STOX2: variants seen among roughly 807,000 people sequenced by gnomAD.
The protein encoded by STOX2 is storkhead-box protein 2.
In STOX2, 28 loss-of-function variants were observed where a neutral mutation model predicts 60.9. The observed-to-expected ratio is 0.46, with a 90% CI of 0.34 to 0.63. The LOEUF (loss-of-function observed/expected upper bound fraction) is 0.63. Among genes scored for constraint, STOX2 ranks in the 30% least tolerant of loss-of-function variants. STOX2 has a pLI of 0.01. For synonymous variants in STOX2, 472 were observed against 463.9 expected (o/e 1.02, Z -0.22); for missense variants, 1,024 against 1,187.7 (o/e 0.86, Z 2.03).
chr4:183,855,513 A>G lies in STOX2; in HGVS notation c.364+57458A>G, dbSNP rs147162710. Among the ~76,000 whole-genome samples, 573 of 152,334 alleles carry G rather than the reference A, an allele frequency of 3.8e-3. 4 individuals carry two copies. Among genetic ancestry groups the G allele is most frequent in the Middle Eastern group, 6.8e-3 (2 of 294 alleles). On this transcript the variant is annotated intron_variant, in intron 1 of 2. Transcript: ENST00000513034. ...TTCCTTTTCCTGGAAAGTGTAACTT[A>G]TGACAAGGGTAACTTGGAAATCCAA... is the stretch of plus-strand genomic sequence containing the variant.
At chr4:183,985,113 A>G (rs1454706475) in intron 1 of STOX2, among the ~76,000 whole-genome samples, 4 of 151,858 alleles carry the variant, frequency 2.6e-5, no homozygotes, top group African/African-American at 7.3e-5. Flanking sequence ...GGGGTCATAG[A>G]CCCCAGCAGA....
rs964556031 is a variant in STOX2, at chr4:183,856,626, T to C, written c.364+58571T>C. On this transcript the variant is annotated intron_variant, in intron 1 of 2. Transcript: ENST00000513034. The surrounding 1 kb of genome is among the most constrained non-coding windows in gnomAD (Gnocchi z 4.0). ...CTGCAGCTAATGGTAGGGTGGTTCA[T>C]GTGAACATCGCTTTGCAGTTAGCTG... 2.0e-5 allele frequency among the ~76,000 whole-genome samples: 3 copies of C among 152,188 alleles called. No homozygotes were observed. Among genetic ancestry groups the C allele is most frequent in the Admixed American group, 6.5e-5 (1 of 15,282 alleles).
intron 1 of STOX2, among the ~76,000 whole-genome samples, chr4:183,968,043 A>C (rs1229761620): frequency 6.6e-6 from 1 of 152,198 alleles, no homozygotes; most frequent in East Asian, 1.9e-4. Flanking sequence ...CAGGATGGGT[A>C]ACACTTTGCT....
At chr4:183,862,472 T>C (rs1740471813) in intron 1 of STOX2, among the ~76,000 whole-genome samples, 1 of 152,170 alleles carries the variant, frequency 6.6e-6, no homozygotes, top group African/African-American at 2.4e-5. Flanking sequence ...TTAAGTGTTA[T>C]GAGGAAAATA....
At chr4:183,980,435 T>C (rs1732613562) in intron 1 of STOX2, among the ~76,000 whole-genome samples, 2 of 152,172 alleles carry the variant, frequency 1.3e-5, no homozygotes, top group South Asian at 4.2e-4. Flanking sequence ...TCAGTAGGGA[T>C]AGAGGTGGAC....
At chr4:183,989,606 A>C (rs1354349030) in intron 1 of STOX2, among the ~76,000 whole-genome samples, 1 of 152,204 alleles carries the variant, frequency 6.6e-6, no homozygotes, top group Admixed American at 6.5e-5. Context: ...AGCCTGATTT[A>C]TGTGCCCAGG....
Position 183,831,227 on chromosome 4 carries a change from T to G in STOX2, c.364+33172T>G, listed in dbSNP as rs1213565103. ...ATTTGAAAGGCAGGATACAGTAGGTTAAAAAGGTTGTCCTGTACAGAACAC... is the reference window on the plus strand; with the variant it reads ...ATTTGAAAGGCAGGATACAGTAGGTGAAAAAGGTTGTCCTGTACAGAACAC... On this transcript the variant is annotated intron_variant, in intron 1 of 2. Transcript: ENST00000513034. 2.6e-5 allele frequency among the ~76,000 whole-genome samples: 4 copies of G among 152,288 alleles called. No individual in the cohort carries two copies. In the East Asian group the frequency reaches 7.7e-4, roughly 29 times the overall value.
chr4:183,839,371 C>T (rs944668257), intron 1 of STOX2, among the ~76,000 whole-genome samples: 6 of 152,224 alleles, frequency 3.9e-5, no homozygotes, highest in South Asian at 2.1e-4. Context: ...CACACTGATC[C>T]GAAAAGTTTG....
Position 184,010,773 on chromosome 4 carries a change from C to A in STOX2, c.1935C>A (p.His645Gln). 9.5e-6 allele frequency: 15 copies of A among 1,580,756 alleles called. No individual in the cohort carries two copies. Among genetic ancestry groups the A allele is most frequent in the Non-Finnish European group, 1.3e-5 (15 of 1,164,396 alleles). The change falls in exon 3 of 4, where the codon CAC (histidine) becomes CAA (glutamine). Residue 645 changes from histidine (H) to glutamine (Q), a missense_variant. Coordinates refer to ENST00000308497, the MANE Select transcript of STOX2 (RefSeq NM_020225.3). This position sits in a 1 kb window ranked among gnomAD's most constrained non-coding sequence, Gnocchi z 4.5. ...CCCCTTCTGATAGGCAGGTCCCCCA[C>A]TCCTCCAGGGAGCCTGTGGGGCACA... ...KLSPSDRQVP[H>Q]SSREPVGHKE...
chr4:183,936,578 T>A (rs1187124288), intron 1 of STOX2, among the ~76,000 whole-genome samples: 1 of 152,282 alleles, frequency 6.6e-6, no homozygotes, highest in East Asian at 1.9e-4. Flanking sequence ...GAGTATTCTG[T>A]AGGCAGAACT....
intron 1 of STOX2, among the ~76,000 whole-genome samples, chr4:183,860,677 G>A (rs1438192422): frequency 6.6e-6 from 1 of 152,172 alleles, no homozygotes; most frequent in Non-Finnish European, 1.5e-5. Flanking sequence ...GCTATTCAGA[G>A]TAACTTAAGG....
chr4:183,973,306 T>G (rs1419882763), intron 1 of STOX2, among the ~76,000 whole-genome samples: 1 of 151,906 alleles, frequency 6.6e-6, no homozygotes, highest in Non-Finnish European at 1.5e-5. Flanking sequence ...GAGAGAAAAA[T>G]ATTGAAAGCA....
chr4:183,883,063 T>C (rs1461029879), intron 1 of STOX2, among the ~76,000 whole-genome samples: 1 of 152,202 alleles, frequency 6.6e-6, no homozygotes, highest in Admixed American at 6.5e-5. Context: ...GTAGAGAGAA[T>C]AGAAAAACAA....
chr4:183,903,060 A>G (rs1316896365), upstream of STOX2, among the ~76,000 whole-genome samples: 3 of 152,198 alleles, frequency 2.0e-5, no homozygotes, highest in Non-Finnish European at 4.4e-5. Flanking sequence ...TTCTTAGTCA[A>G]TCTCTCCCTT....
At chr4:183,864,014 C>G (rs1275938291) in intron 1 of STOX2, among the ~76,000 whole-genome samples, 1 of 152,226 alleles carries the variant, frequency 6.6e-6, no homozygotes, top group South Asian at 2.1e-4. Context: ...TCTGTATTTC[C>G]TCCTTCATTT....
chr4:183,876,634 G>A (rs1327417872), intron 1 of STOX2, among the ~76,000 whole-genome samples: 1 of 152,236 alleles, frequency 6.6e-6, no homozygotes, highest in African/African-American at 2.4e-5. Flanking sequence ...CGCTCAGGGT[G>A]CCTGCTGAGC....
intron 1 of STOX2, among the ~76,000 whole-genome samples, chr4:183,940,900 T>C (rs952119606): frequency 1.2e-4 from 18 of 152,238 alleles, no homozygotes; most frequent in African/African-American, 4.3e-4. Flanking sequence ...TAAATATTTG[T>C]TGATGAATAC....
chr4:183,814,845 G>A (rs1739114656), intron 1 of STOX2, among the ~76,000 whole-genome samples: 1 of 152,174 alleles, frequency 6.6e-6, no homozygotes, highest in Admixed American at 6.5e-5. Context: ...TTGGATTTGG[G>A]TTAGAGAACT....
rs183596269 is a variant in STOX2 at position 183,810,864 on chromosome 4, T to C, written c.364+12809T>C. Among the ~76,000 whole-genome samples, 6 of 152,212 alleles carry C rather than the reference T, an allele frequency of 3.9e-5. No individual in the cohort carries two copies. The East Asian group carries it at 9.6e-4, about 24-fold the overall frequency. On this transcript the variant is annotated intron_variant, in intron 1 of 2. Transcript: ENST00000513034. Reference sequence around the variant, plus strand: ...TCTGTTGTTCATAAATTAACCAATCTGTGGTATTCTGTTATAGCAGCACAA... The same window carrying C: ...TCTGTTGTTCATAAATTAACCAATCCGTGGTATTCTGTTATAGCAGCACAA...
Sources: allele counts gnomAD v4.1 joint callset (sites outside exome capture counted in the v4.1 genomes callset), GRCh38; gene constraint gnomAD v4.1.1; non-coding constraint Gnocchi (gnomAD v3.1); transcripts MANE v1.5; gene names NCBI Gene and HGNC (gene_info 2026-07-23, HGNC 2026-07-21).